PRKCA: variants seen among roughly 807,000 people sequenced by gnomAD.
The protein encoded by PRKCA is protein kinase C alpha type.
Under a neutral mutation model 87.0 loss-of-function variants are expected in PRKCA, and 27 were observed. That is an observed-to-expected ratio of 0.31 (90% CI 0.23 to 0.43). The LOEUF is 0.43. Ranked by LOEUF, PRKCA falls within the 20% of genes least tolerant of loss-of-function variation. The pLI is 1.00. For missense variants in PRKCA, 518 were observed against 852.3 expected (o/e 0.61, Z 4.88); for synonymous variants, 329 against 311.1 (o/e 1.06, Z -0.61).
intron 16 of PRKCA, among the ~76,000 whole-genome samples, chr17:66,800,394 C>T (rs1179364653): frequency 6.6e-6 from 1 of 152,184 alleles, no homozygotes; most frequent in Admixed American, 6.5e-5. Flanking sequence ...ACAGGCGGAG[C>T]ACGAGCCCTT....
chr17:66,401,818 G>A (rs540844825), intron 2 of PRKCA, among the ~76,000 whole-genome samples: 1 of 152,290 alleles, frequency 6.6e-6, no homozygotes, highest in African/African-American at 2.4e-5. Flanking sequence ...AGGAATATAA[G>A]AATAGACACT....
intron 8 of PRKCA, among the ~76,000 whole-genome samples, chr17:66,712,007 GC>G (rs973101257): frequency 9.2e-5 from 14 of 151,960 alleles, no homozygotes; most frequent in African/African-American, 1.5e-4. Flanking sequence ...TGTTGTTACT[GC>G]CCCCCCTCCA....
rs373370189 is a variant in PRKCA, at chr17:66,802,295, T to C, written c.1855-1578T>C. On this transcript the variant is annotated intron_variant, in intron 16 of 16. Transcript: ENST00000413366. Reference sequence around the variant, plus strand: ...AAGACCTTACTTTGAATTTATGACATGCTTTCCACCTCAACAGGTACTTAG... The same window carrying C: ...AAGACCTTACTTTGAATTTATGACACGCTTTCCACCTCAACAGGTACTTAG... 3.9e-5 allele frequency among the ~76,000 whole-genome samples: 6 copies of C among 152,274 alleles called. No individual in the cohort carries two copies. In the East Asian group the frequency reaches 1.2e-3, roughly 29 times the overall value.
intron 2 of PRKCA, among the ~76,000 whole-genome samples, chr17:66,366,378 G>T (rs76600994): frequency 5.9e-5 from 9 of 152,050 alleles, no homozygotes; most frequent in Non-Finnish European, 8.8e-5. Flanking sequence ...GTTTTCCAGC[G>T]AGGCTTTTTC....
In PRKCA at chr17:66,587,905, A is replaced by ATGTG. The variant is rs1567917457; in HGVS notation, c.289-53449_289-53448insGTGT. Among the ~76,000 whole-genome samples, 5 of 63,040 alleles carry ATGTG rather than the reference A, an allele frequency of 7.9e-5. 1 individual carries two copies. The highest frequency in any genetic ancestry group is 1.2e-4 in the Non-Finnish European group (4 of 32,986). The allele number at this position is 63,040 out of a possible 152,430, so 41.4% of individuals were successfully genotyped here. Reference sequence around the variant, plus strand: ...TGTGTGTGTGTGTGTGTATATATATATATATATATATATATATATATATAT... The same window carrying ATGTG: ...TGTGTGTGTGTGTGTGTATATATATATGTGTATATATATATATATATATATATAT... On this transcript the variant is annotated intron_variant, in intron 3 of 16. Coordinates refer to ENST00000413366, the MANE Select transcript of PRKCA (RefSeq NM_002737.3).
chr17:66,368,358 G>GTATA (rs1207640910), intron 2 of PRKCA, among the ~76,000 whole-genome samples: 73 of 42,546 alleles, frequency 1.7e-3, no homozygotes, highest in East Asian at 3.6e-3. Flanking sequence ...GTGTGTGTGT[G>GTATA]TATATGTATA....
chr17:66,685,994 A>ACAGGC (rs1972616543), intron 5 of PRKCA, among the ~76,000 whole-genome samples: 1 of 152,060 alleles, frequency 6.6e-6, no homozygotes, highest in South Asian at 2.1e-4. Flanking sequence ...GGAACCACTG[A>ACAGGC]ATCAGGGAGC....
chr17:66,485,805 G>A (rs1413611279), intron 2 of PRKCA, among the ~76,000 whole-genome samples: 1 of 152,104 alleles, frequency 6.6e-6, no homozygotes, highest in Non-Finnish European at 1.5e-5. Context: ...TCCCAAAGCC[G>A]AGTCCAGCCT....
intron 5 of PRKCA, among the ~76,000 whole-genome samples, chr17:66,670,698 C>CA (rs375309558): frequency 8.2e-4 from 123 of 150,806 alleles, no homozygotes; most frequent in Middle Eastern, 3.4e-3. Flanking sequence ...CATCTCTACC[C>CA]AAAAAAAACA....
At chr17:66,327,826 A>G (rs1175394633) in intron 2 of PRKCA, among the ~76,000 whole-genome samples, 1 of 152,142 alleles carries the variant, frequency 6.6e-6, no homozygotes, top group Non-Finnish European at 1.5e-5. Context: ...TTTTTCCCTA[A>G]GCATTCATCG....
intron 8 of PRKCA, among the ~76,000 whole-genome samples, chr17:66,694,767 T>TA (rs746908582): frequency 3.1e-3 from 360 of 117,474 alleles, no homozygotes; most frequent in Admixed American, 5.5e-3. Context: ...TTCCAATGGT[T>TA]AAAAAAAAAA....
At chr17:66,521,042 G>C (rs1598738445) in intron 3 of PRKCA, among the ~76,000 whole-genome samples, 2 of 152,238 alleles carry the variant, frequency 1.3e-5, no homozygotes, top group East Asian at 3.9e-4. Flanking sequence ...AGTGTGGCTT[G>C]TGGCAGCCTC....
At chr17:66,548,519 A>G (rs992560665) in intron 3 of PRKCA, among the ~76,000 whole-genome samples, 19 of 152,184 alleles carry the variant, frequency 1.2e-4, no homozygotes, top group Non-Finnish European at 2.6e-4. Context: ...GGTATTTCTC[A>G]CTTAATCTTT....
At chr17:66,653,747 A>G (rs17761022) in intron 5 of PRKCA, among the ~76,000 whole-genome samples, 61,688 of 149,036 alleles carry the variant, frequency 0.41, 12,977 homozygotes, top group East Asian at 0.5. Context: ...TTCCATGCCT[A>G]CTTTAAAGAC....
chr17:66,624,773 G>A (rs1970798492), intron 3 of PRKCA, among the ~76,000 whole-genome samples: 1 of 149,440 alleles, frequency 6.7e-6, no homozygotes, highest in Non-Finnish European at 1.5e-5. Flanking sequence ...AGGTGACAGA[G>A]TGAGACTCCA....
intron 8 of PRKCA, among the ~76,000 whole-genome samples, chr17:66,719,754 G>A (rs771314395): frequency 3.3e-5 from 5 of 152,232 alleles, no homozygotes; most frequent in East Asian, 1.9e-4. Flanking sequence ...AAGATAGAGC[G>A]AGACTCCGTC....
At chr17:66,416,299 T>C (rs1394904964) in intron 2 of PRKCA, 2 of 152,326 alleles carry the variant, frequency 1.3e-5, no homozygotes, top group Non-Finnish European at 2.9e-5. Context: ...AAAAGATGGG[T>C]GTGGGCCATG....
chr17:66,566,889 A>G (rs909666614), intron 3 of PRKCA, among the ~76,000 whole-genome samples: 1 of 152,176 alleles, frequency 6.6e-6, no homozygotes, highest in African/African-American at 2.4e-5. Flanking sequence ...CCAGCCTCCC[A>G]GGGACTTTGA....
chr17:66,445,608 A>C (rs1482217961), intron 2 of PRKCA, among the ~76,000 whole-genome samples: 1 of 152,076 alleles, frequency 6.6e-6, no homozygotes, highest in African/African-American at 2.4e-5. Flanking sequence ...TGGCTAGGGA[A>C]CCTGAGGTGA....
Sources: allele counts gnomAD v4.1 joint callset (sites outside exome capture counted in the v4.1 genomes callset), GRCh38; gene constraint gnomAD v4.1.1; transcripts MANE v1.5; gene names NCBI Gene and HGNC (gene_info 2026-07-23, HGNC 2026-07-21).